TTC3: variants seen among roughly 807,000 people sequenced by gnomAD.
TTC3 encodes the protein tetratricopeptide repeat domain 3.
TTC3 carries 180 observed loss-of-function variants against 249.6 expected under a neutral mutation model. That is an observed-to-expected ratio of 0.72 (90% confidence interval 0.64 to 0.82). The LOEUF is 0.82. TTC3 is among the 40% of genes least tolerant of loss of function. TTC3 has a pLI of 0.00. For synonymous variants in TTC3, 717 were observed against 805.0 expected (o/e 0.89, Z 1.85); for missense variants, 2,061 against 2,398.4 (o/e 0.86, Z 2.94).
intron 38 of TTC3, chr21:37,188,232 A>G: frequency 3.1e-6 from 1 of 320,930 alleles, no homozygotes; most frequent in Non-Finnish European, 6.0e-6. Flanking sequence ...GCTTATATAT[A>G]GCTTAAGCAG....
chr21:37,090,081 T>C (rs2147680146), intron 5 of TTC3, 152 bp from the exon 6 acceptor site: 1 of 523,734 alleles, frequency 1.9e-6, no homozygotes, highest in East Asian at 3.4e-5. Flanking sequence ...TCTTAAGATC[T>C]TAAGGGGTAA....
intron 18 of TTC3, among the ~76,000 whole-genome samples, chr21:37,137,166 C>T (rs1236135739): frequency 6.6e-6 from 1 of 152,168 alleles, no homozygotes; most frequent in East Asian, 1.9e-4. Flanking sequence ...TGTTTTCATG[C>T]CTGGTAACAC....
intron 7 of TTC3, 151 bp downstream of exon 7, chr21:37,091,564 TTTTA>T (rs937304195): frequency 3.3e-5 from 9 of 273,660 alleles, no homozygotes; most frequent in African/African-American, 2.4e-4. Flanking sequence ...AATTTCTTTT[TTTTA>T]TTATTTATTT....
chr21:37,161,141 TAA>T (rs1427012448), intron 30 of TTC3, among the ~76,000 whole-genome samples: 11 of 151,666 alleles, frequency 7.3e-5, no homozygotes, highest in African/African-American at 1.9e-4. Context: ...AAAAAATAAA[TAA>T]GTCTCAAAAA....
rs1303603523 is a variant in TTC3 at position 37,159,560 on chromosome 21, C to T, written c.2993-139C>T. ...AGCCATTTTGCCCTTGGTTTCTAAA[C>T]TACACTTGTGTCAAAGCCAAATAAG... is the stretch of plus-strand genomic sequence containing the variant. On this transcript the variant is annotated intron_variant, in intron 28 of 45. Coordinates refer to ENST00000355666, the Ensembl canonical transcript of TTC3. The T allele has an allele frequency of 6.3e-6, 6 of 948,992 alleles. No homozygotes were observed. The East Asian group carries it at 1.6e-4, about 25-fold the overall frequency. The allele number at this position is 948,992 out of a possible 1,614,324, so 58.8% of individuals were successfully genotyped here.
At chr21:37,169,879 A>T (rs994613672) in intron 34 of TTC3, among the ~76,000 whole-genome samples, 7 of 151,826 alleles carry the variant, frequency 4.6e-5, no homozygotes, top group African/African-American at 1.7e-4. Context: ...AAAACCGAAG[A>T]TGGCAAATTA....
At chr21:37,115,850 C>G (rs764868865) in intron 11 of TTC3, among the ~76,000 whole-genome samples, 48 of 152,272 alleles carry the variant, frequency 3.2e-4, no homozygotes, top group African/African-American at 4.6e-4. Flanking sequence ...TTGGCCAGCC[C>G]CCTTATTTCT....
At chr21:37,105,412 T>A (rs968704751) in intron 10 of TTC3, among the ~76,000 whole-genome samples, 5 of 152,172 alleles carry the variant, frequency 3.3e-5, no homozygotes, top group African/African-American at 1.2e-4. Flanking sequence ...TTTTCCAGCC[T>A]CAGTGTGTGA....
intron 24 of TTC3, among the ~76,000 whole-genome samples, 166 bp downstream of exon 24, chr21:37,150,336 A>T (rs2079350916): frequency 6.6e-6 from 1 of 152,200 alleles, no homozygotes; most frequent in Non-Finnish European, 1.5e-5. Flanking sequence ...AGAATGCTTC[A>T]TTGTAATGAA....
chr21:37,173,332 A>C (rs1193229115), intron 35 of TTC3, among the ~76,000 whole-genome samples: 1 of 152,156 alleles, frequency 6.6e-6, no homozygotes, highest in Non-Finnish European at 1.5e-5. Flanking sequence ...TCTTACTCCT[A>C]AGGAAGTATA....
chr21:37,185,264 T>G (rs557007614), intron 36 of TTC3, among the ~76,000 whole-genome samples: 111 of 152,328 alleles, frequency 7.3e-4, no homozygotes, highest in African/African-American at 2.6e-3. Context: ...TGAGTGTGTG[T>G]GTGCGTGCGC....
At chr21:37,178,273 G>A (rs918179278) in intron 35 of TTC3, among the ~76,000 whole-genome samples, 2 of 152,156 alleles carry the variant, frequency 1.3e-5, no homozygotes, top group Admixed American at 1.3e-4. Flanking sequence ...TAATGCTGCT[G>A]TGAACATTCA....
At chr21:37,133,851 A>C (rs1056530890) in intron 17 of TTC3, among the ~76,000 whole-genome samples, 2 of 152,182 alleles carry the variant, frequency 1.3e-5, no homozygotes, top group Non-Finnish European at 2.9e-5. Context: ...AGCCTGGGCA[A>C]CATAGGAAGG....
chr21:37,157,075 A>G (rs1042085370), intron 28 of TTC3, 169 bp downstream of exon 28: 65 of 1,349,706 alleles, frequency 4.8e-5, no homozygotes, highest in Admixed American at 9.4e-5. Context: ...TTTTTATATC[A>G]TGAAGCTTTT....
intron 11 of TTC3, among the ~76,000 whole-genome samples, chr21:37,120,064 C>G (rs951986488): frequency 3.3e-5 from 5 of 152,128 alleles, no homozygotes; most frequent in Admixed American, 3.3e-4. Flanking sequence ...TCCTGGGTTA[C>G]AGCCACACTT....
At chr21:37,162,680 T>G (rs1429734081) in intron 31 of TTC3, among the ~76,000 whole-genome samples, 1 of 149,250 alleles carries the variant, frequency 6.7e-6, no homozygotes, top group Non-Finnish European at 1.5e-5. Context: ...GGTCATTTCA[T>G]GGATTCTTTA....
intron 9 of TTC3, 27 bp from the exon 10 acceptor site, chr21:37,096,554 A>G (rs541099535): frequency 2.2e-5 from 34 of 1,554,806 alleles, no homozygotes; most frequent in Middle Eastern, 1.7e-4. Flanking sequence ...AATGTGCTTT[A>G]CTGACTAAAC....
intron 11 of TTC3, among the ~76,000 whole-genome samples, chr21:37,115,999 C>T (rs938732440): frequency 6.6e-6 from 1 of 152,184 alleles, no homozygotes; most frequent in Non-Finnish European, 1.5e-5. Context: ...TTACCATTAT[C>T]TAATACATTA....
intron 11 of TTC3, among the ~76,000 whole-genome samples, chr21:37,110,916 A>G (rs1193947765): frequency 6.6e-6 from 1 of 152,236 alleles, no homozygotes; most frequent in Non-Finnish European, 1.5e-5. Flanking sequence ...TTCTTAAAGA[A>G]AAGAATTTTC....
Sources: gnomAD v4.1 joint callset for allele counts (sites outside exome capture counted in the v4.1 genomes callset) on GRCh38, gnomAD v4.1.1 for gene constraint, MANE v1.5 for transcripts, NCBI Gene and HGNC (gene_info 2026-07-23, HGNC 2026-07-21) for gene names.